Variants in PNISR observed in about 807,000 individuals in gnomAD.
The protein encoded by PNISR is arginine/serine-rich protein PNISR.
In PNISR, 20 loss-of-function variants were observed where a neutral mutation model predicts 93.4. The observed-to-expected ratio is 0.21, with a 90% CI of 0.15 to 0.31. The LOEUF (loss-of-function observed/expected upper bound fraction) is 0.31. Among genes scored for constraint, PNISR ranks in the 10% least tolerant of loss-of-function variants. PNISR has a pLI of 1.00. For synonymous variants in PNISR, 305 were observed against 306.5 expected (o/e 0.99, Z 0.05); for missense variants, 893 against 985.4 (o/e 0.91, Z 1.25).
At position 99,412,681 on chromosome 6, in the gene PNISR, T is replaced by C; in HGVS notation, c.147A>G (p.Gly49=). ...GTGGTTGTTCTACCATGCTTTGCTG[T>C]CCTGAAGCTTCTCTTTGGGCAATCC... The part of the protein sequence containing the change: ...QAWIAQREAS[G]QQSMVEQPPG... Residue 49 remains glycine, a synonymous_variant, in exon 4 of 12, where the codon GGA becomes GGG. Coordinates refer to ENST00000369239, the MANE Select transcript of PNISR (RefSeq NM_032870.4). 1 of 1,610,438 alleles carries C rather than the reference T, an allele frequency of 6.2e-7. No individual in the cohort carries two copies. The highest frequency in any genetic ancestry group is 1.1e-5 in the South Asian group (1 of 90,288).
At position 99,398,847 on chromosome 6, in the gene PNISR, T is replaced by C. The variant is rs1406843696; in HGVS notation, c.*1693A>G. The C allele has an allele frequency of 6.6e-6, 1 of 152,140 alleles. No homozygotes were observed. Among genetic ancestry groups the C allele is most frequent in the African/African-American group, 2.4e-5 (1 of 41,466 alleles). 9.4% of individuals were successfully genotyped at this position (152,140 alleles called of 1,614,324 possible). A position where few individuals can be genotyped will look rare whatever the true frequency, so the allele number is the denominator to read the frequency against. ...TTATTTTGTCTCCAGATGTGATCGATGTCTAAACTATATAGAATTTCAAAC... is the reference window on the plus strand; with the variant it reads ...TTATTTTGTCTCCAGATGTGATCGACGTCTAAACTATATAGAATTTCAAAC... On this transcript the variant is annotated 3_prime_UTR_variant, in exon 12 of 12. Transcript: ENST00000369239.
intron 3 of PNISR, among the ~76,000 whole-genome samples, 179 bp from the exon 4 acceptor site, chr6:99,412,918 G>A (rs1245576998): frequency 6.6e-5 from 10 of 152,092 alleles, no homozygotes; most frequent in Admixed American, 6.6e-4. Context: ...AGCATACTGT[G>A]TCTGAAAGGG....
In PNISR at chr6:99,399,133, G is replaced by A. The variant is rs1393136199; in HGVS notation, c.*1407C>T. On this transcript the variant is annotated 3_prime_UTR_variant, in exon 12 of 12. Coordinates refer to ENST00000369239, the MANE Select transcript of PNISR (RefSeq NM_032870.4). ...TTTTAAAATGAACTATTGCTGGTAA[G>A]AAGGCATACTTTAAAACTTTTCTGT... is the stretch of plus-strand genomic sequence containing the variant. 6.6e-6 allele frequency: 1 copy of A among 152,082 alleles called. No individual in the cohort carries two copies. Among genetic ancestry groups the A allele is most frequent in the African/African-American group, 2.4e-5 (1 of 41,436 alleles). The allele number at this position is 152,082 out of a possible 1,614,324, so 9.4% of individuals were successfully genotyped here. A position where few individuals can be genotyped will look rare whatever the true frequency, so the allele number is the denominator to read the frequency against.
At chr6:99,418,327 G>A (rs1442426578) in intron 1 of PNISR, among the ~76,000 whole-genome samples, 2 of 151,676 alleles carry the variant, frequency 1.3e-5, no homozygotes, top group South Asian at 2.1e-4. Flanking sequence ...AGTAGAGACG[G>A]GGTTTCACTA....
intron 1 of PNISR, among the ~76,000 whole-genome samples, chr6:99,420,393 T>G (rs1281697180): frequency 6.6e-6 from 1 of 152,348 alleles, no homozygotes; most frequent in South Asian, 2.1e-4. Context: ...GTTTTAAAAC[T>G]AGGAAATACT....
chr6:99,409,230 T>C lies in PNISR; in HGVS notation c.616A>G (p.Arg206Gly), dbSNP rs143354179. The C allele has an allele frequency of 1.9e-6, 3 of 1,613,906 alleles. No individual in the cohort carries two copies. Among genetic ancestry groups the C allele is most frequent in the Non-Finnish European group, 2.5e-6 (3 of 1,179,930 alleles). ...QNRRERPSSFRDRQRSPIALP... is the reference protein window; with the variant it reads ...QNRRERPSSFGDRQRSPIALP... ...GCAATAGGTGAACGCTGACGATCCC[T>C]GAATGATGATGGCCTTTCTCTTCGA... The change falls in exon 6 of 12, where the codon AGG (arginine) becomes GGG (glycine). Residue 206 changes from arginine (R) to glycine (G), a missense_variant. Around this residue, in one of 3 missense-constraint regions of PNISR, gnomAD observed 866 missense variants for 935.1 expected, o/e 0.93. Coordinates refer to ENST00000369239, the MANE Select transcript of PNISR (RefSeq NM_032870.4).
In PNISR at chr6:99,398,414, A is replaced by G. The variant is rs778183209; in HGVS notation, c.*2126T>C. ...TTACCACTCAAGGTAAATAAATACT[A>G]TATCACATGTCAAGAAAATAAAGAA... On this transcript the variant is annotated 3_prime_UTR_variant, in exon 12 of 12. Transcript: ENST00000369239. The G allele has an allele frequency of 6.6e-6, 1 of 152,148 alleles. No individual in the cohort carries two copies. The highest frequency in any genetic ancestry group is 2.4e-5 in the African/African-American group (1 of 41,450). The allele number at this position is 152,148 out of a possible 1,614,324, so 9.4% of individuals were successfully genotyped here.
At chr6:99,402,484 A>C in intron 11 of PNISR, 56 bp downstream of exon 11, 3 of 1,281,688 alleles carry the variant, frequency 2.3e-6, no homozygotes, top group Non-Finnish European at 3.2e-6. Context: ...GGTTAGTTAA[A>C]AAATAAAAAG....
At position 99,422,400 on chromosome 6, in the gene PNISR, T is replaced by C. The variant is rs138604685; in HGVS notation, c.-112+2815A>G. 2.1e-3 allele frequency among the ~76,000 whole-genome samples: 325 copies of C among 152,220 alleles called. 2 individuals are homozygous for C. The highest frequency in any genetic ancestry group is 7.2e-3 in the African/African-American group (299 of 41,526). On this transcript the variant is annotated intron_variant, in intron 1 of 11. Transcript: ENST00000369239. ...CCCTGACATTTCAGTCTTACATGAGTTGACTGACCTCAAAGTCAAAAAAGA... is the reference window on the plus strand; with the variant it reads ...CCCTGACATTTCAGTCTTACATGAGCTGACTGACCTCAAAGTCAAAAAAGA...
intron 1 of PNISR, among the ~76,000 whole-genome samples, chr6:99,420,162 G>A (rs187518864): frequency 6.6e-5 from 10 of 152,276 alleles, no homozygotes; most frequent in East Asian, 1.9e-4. Flanking sequence ...GATTACAGAC[G>A]TGAGCTATCG....
chr6:99,415,393 A>G (rs1330081486), intron 2 of PNISR: 1 of 152,204 alleles, frequency 6.6e-6, no homozygotes, highest in Non-Finnish European at 1.5e-5. Context: ...AAAGTAAGAC[A>G]GCCTCCAAGA....
rs750933464 is a variant in PNISR at position 99,409,153 on chromosome 6, A to G, written c.673+20T>C. 3.7e-6 allele frequency: 6 copies of G among 1,605,152 alleles called. No homozygotes were observed. The highest frequency in any genetic ancestry group is 1.3e-5 in the African/African-American group (1 of 74,786). ...AAAGTCATGCCAATTGTGGTCCACT[A>G]AACTAAGTTAAATAGCTACCAATTT... On this transcript the variant is annotated intron_variant, in intron 6 of 11. Transcript: ENST00000369239.
intron 4 of PNISR, chr6:99,412,121 C>A: frequency 6.9e-6 from 2 of 290,686 alleles, no homozygotes; most frequent in Non-Finnish European, 1.4e-5. Flanking sequence ...AAAAGGTAGG[C>A]GGATGGTAGG....
At chr6:99,404,452 T>C (rs758123985) in intron 9 of PNISR, 151 bp downstream of exon 9, 2 of 682,376 alleles carry the variant, frequency 2.9e-6, no homozygotes, top group Non-Finnish European at 2.7e-6. Context: ...TTTAATATGG[T>C]GTCTACGAAT....
In PNISR at chr6:99,401,138, C is replaced by T. The variant is rs200410030; in HGVS notation, c.1820G>A (p.Arg607Gln). 26 of 1,613,870 alleles carry T rather than the reference C, an allele frequency of 1.6e-5. 1 individual carries two copies. The Admixed American group carries it at 1.7e-4, about 10-fold the overall frequency. The change falls in exon 12 of 12, where the codon CGA becomes CAA. Residue 607 changes from arginine to glutamine, a missense_variant. Coordinates refer to ENST00000369239, the MANE Select transcript of PNISR (RefSeq NM_032870.4). Reference sequence around the variant, plus strand: ...CTCTCGGGAAGGACTCCGATTTCGTCGTCTTTCTCTTTCAATGCTATTTCT... The same window carrying T: ...CTCTCGGGAAGGACTCCGATTTCGTTGTCTTTCTCTTTCAATGCTATTTCT... Reference protein sequence around the residue: ...SNRNSIERERRRNRSPSRERR... With the variant: ...SNRNSIERERQRNRSPSRERR...
intron 11 of PNISR, 132 bp from the exon 12 acceptor site, chr6:99,401,762 A>G (rs1775531199): frequency 3.2e-6 from 2 of 631,608 alleles, no homozygotes; most frequent in Middle Eastern, 4.9e-4. Context: ...CATGTAAGTA[A>G]TTCAAAATTT....
intron 1 of PNISR, among the ~76,000 whole-genome samples, chr6:99,424,653 C>G (rs1402042538): frequency 6.6e-6 from 1 of 152,212 alleles, no homozygotes; most frequent in Non-Finnish European, 1.5e-5. Flanking sequence ...ATTTAACAAC[C>G]CACAAACAAA....
chr6:99,401,692 A>G, intron 11 of PNISR, 62 bp from the exon 12 acceptor site: 4 of 1,288,228 alleles, frequency 3.1e-6, no homozygotes, highest in Non-Finnish European at 4.2e-6. Context: ...ATACTACCAA[A>G]TGTCAAGCTA....
chr6:99,405,106 G>A (rs1174174228), intron 8 of PNISR, among the ~76,000 whole-genome samples: 1 of 151,806 alleles, frequency 6.6e-6, no homozygotes, highest in African/African-American at 2.4e-5. Flanking sequence ...AATATTTTTA[G>A]ACATCAGAGC....
Sources: gnomAD v4.1 joint callset for allele counts (sites outside exome capture counted in the v4.1 genomes callset) on GRCh38, gnomAD v4.1.1 for gene constraint, gnomAD v4.1.1 regional missense constraint, MANE v1.5 for transcripts, NCBI Gene and HGNC (gene_info 2026-07-23, HGNC 2026-07-21) for gene names.